C19orf12: variants seen among roughly 807,000 people sequenced by gnomAD.
C19orf12 encodes chromosome 19 open reading frame 12, also known as protein C19orf12.
A neutral mutation model predicts 3.8 loss-of-function variants in C19orf12; 2 were observed. That is an observed-to-expected ratio of 0.53 (90% confidence interval 0.22 to 1.66). The LOEUF (loss-of-function observed/expected upper bound fraction) is 1.66. C19orf12 is among the 40% of genes most tolerant of loss of function. The pLI is 0.20. For synonymous variants in C19orf12, 89 were observed against 84.6 expected (o/e 1.05, Z -0.28); for missense variants, 156 against 188.8 (o/e 0.83, Z 1.02).
Position 29,702,735 on chromosome 19 carries a change from C to A in C19orf12, c.403G>T (p.Ala135Ser), listed in dbSNP as rs1972165664. 6.2e-7 allele frequency: 1 copy of A among 1,613,852 alleles called. No homozygotes were observed. The highest frequency in any genetic ancestry group is 8.5e-7 in the Non-Finnish European group (1 of 1,180,022). Residue 135 changes from alanine (A) to serine (S), a missense_variant, in exon 3 of 3, where the codon GCC becomes TCC. By Grantham distance (99) the Ala-to-Ser change is moderately conservative. Coordinates refer to ENST00000323670, the MANE Select transcript of C19orf12 (RefSeq NM_031448.6). Reference sequence around the variant, plus strand: ...GCCTAGTCATCATACTGGATCTCGGCCCGCAGCTCCTTGGTGACGTAGTTC... The same window carrying A: ...GCCTAGTCATCATACTGGATCTCGGACCGCAGCTCCTTGGTGACGTAGTTC... Reference protein sequence around the residue: ...LVNYVTKELRAEIQYDD With the variant: ...LVNYVTKELRSEIQYDD
At chr19:29,713,969 TCC>T (rs774985157) in intron 1 of C19orf12, among the ~76,000 whole-genome samples, 1 of 124,116 alleles carries the variant, frequency 8.1e-6, no homozygotes, top group African/African-American at 3.7e-5. Context: ...CTTCCTTCCT[TCC>T]TTCCTTTTCT....
At chr19:29,708,518 C>T in intron 1 of C19orf12, 95 bp from the exon 2 acceptor site, 2 of 1,536,732 alleles carry the variant, frequency 1.3e-6, no homozygotes, top group East Asian at 4.5e-5. Context: ...AGGAAGGGTC[C>T]CCCTTTTCAG....
In C19orf12 at chr19:29,715,156, G is replaced by A. The variant is rs1334774051; in HGVS notation, c.-42C>T. The stretch of plus-strand genomic sequence containing the variant: ...GAGCGGAGGTCTACGCGGCGCGCTC[G>A]GCGATCAGACGCGGCTGCAGCCCGG... On this transcript the variant is annotated 5_prime_UTR_variant, in exon 1 of 3. Transcript: ENST00000323670. The A allele has an allele frequency of 5.3e-6, 3 of 562,056 alleles. No individual in the cohort carries two copies. The highest frequency in any genetic ancestry group is 3.2e-6 in the Non-Finnish European group (1 of 315,962). The allele number at this position is 562,056 out of a possible 1,614,324, so 34.8% of individuals were successfully genotyped here.
Position 29,700,000 on chromosome 19 carries a change from C to T in C19orf12, c.*2712G>A. On this transcript the variant is annotated 3_prime_UTR_variant, in exon 3 of 3. Coordinates refer to ENST00000323670, the MANE Select transcript of C19orf12 (RefSeq NM_031448.6). ...TTAGGCCCAAAGCCTCCAAGTCACC[C>T]CAGGACCCAGCTAGTTCCAGTGTCT... 6.6e-6 allele frequency: 3 copies of T among 454,072 alleles called. No homozygotes were observed. The highest frequency in any genetic ancestry group is 1.3e-5 in the Non-Finnish European group (3 of 226,792). 28.1% of individuals were successfully genotyped at this position (454,072 alleles called of 1,614,324 possible).
In C19orf12 at chr19:29,701,418, A is replaced by G. The variant is rs1204110048; in HGVS notation, c.*1294T>C. 1 of 454,048 alleles carries G rather than the reference A, an allele frequency of 2.2e-6. No homozygotes were observed. Among genetic ancestry groups the G allele is most frequent in the African/African-American group, 2.0e-5 (1 of 50,016 alleles). 28.1% of individuals were successfully genotyped at this position (454,048 alleles called of 1,614,324 possible). A position where few individuals can be genotyped will look rare whatever the true frequency, so the allele number is the denominator to read the frequency against. On this transcript the variant is annotated 3_prime_UTR_variant, in exon 3 of 3. Coordinates refer to ENST00000323670, the MANE Select transcript of C19orf12 (RefSeq NM_031448.6). The stretch of plus-strand genomic sequence containing the variant: ...GATTTCTTATAATACCAAATACAAT[A>G]TAAATGCTATGTAAATATGCTACAC...
At chr19:29,709,160 G>A (rs998202073) in intron 1 of C19orf12, among the ~76,000 whole-genome samples, 3 of 152,206 alleles carry the variant, frequency 2.0e-5, no homozygotes, top group African/African-American at 7.2e-5. Context: ...GATAAAGCAG[G>A]GAGACAAAGC....
At chr19:29,709,730 A>G (rs908786499) in intron 1 of C19orf12, among the ~76,000 whole-genome samples, 17 of 151,670 alleles carry the variant, frequency 1.1e-4, no homozygotes, top group Non-Finnish European at 2.1e-4. Context: ...GATGACTACT[A>G]TGTTGCCCAG....
At chr19:29,706,015 C>T (rs1416665945) in intron 2 of C19orf12, among the ~76,000 whole-genome samples, 5 of 152,210 alleles carry the variant, frequency 3.3e-5, no homozygotes, top group Non-Finnish European at 7.3e-5. Context: ...ACTCAGACAA[C>T]AGGCAGCAAA....
intron 2 of C19orf12, among the ~76,000 whole-genome samples, chr19:29,704,550 T>C (rs1972276059): frequency 6.6e-6 from 1 of 152,244 alleles, no homozygotes; most frequent in South Asian, 2.1e-4. Context: ...TATTGTTAAA[T>C]GTAAACTCAT....
At chr19:29,714,389 G>C (rs1972847886) in intron 1 of C19orf12, among the ~76,000 whole-genome samples, 1 of 152,034 alleles carries the variant, frequency 6.6e-6, no homozygotes, top group Non-Finnish European at 1.5e-5. Context: ...AGCTACTAGG[G>C]AGGCTGAGGC....
intron 1 of C19orf12, among the ~76,000 whole-genome samples, chr19:29,714,648 G>A (rs968126300): frequency 3.4e-4 from 52 of 151,690 alleles, no homozygotes; most frequent in African/African-American, 1.2e-3. Flanking sequence ...GTCAGGATCC[G>A]CTTCACATTT....
At chr19:29,703,949 C>T (rs1270223810) in intron 2 of C19orf12, among the ~76,000 whole-genome samples, 4 of 151,772 alleles carry the variant, frequency 2.6e-5, no homozygotes, top group African/African-American at 9.7e-5. Context: ...GAGATCATAC[C>T]CTTGCACTCC....
chr19:29,715,092 G>C, intron 1 of C19orf12, 33 bp downstream of exon 1: 2 of 592,202 alleles, frequency 3.4e-6, no homozygotes, highest in Non-Finnish European at 6.0e-6. Flanking sequence ...CGGCCTGGGA[G>C]GCGCCCCGCC....
At position 29,702,071 on chromosome 19, in the gene C19orf12, G is replaced by A. The variant is rs769132883; in HGVS notation, c.*641C>T. 1.6e-5 allele frequency: 7 copies of A among 449,864 alleles called. No homozygotes were observed. Among genetic ancestry groups the A allele is most frequent in the African/African-American group, 6.0e-5 (3 of 49,838 alleles). 27.9% of individuals were successfully genotyped at this position (449,864 alleles called of 1,614,324 possible). Reference sequence around the variant, plus strand: ...CCAGGACTTTTCAGATGGGAAGAGCGAGGCCCTGGCAGGGCGAGTCTAGGT... The same window carrying A: ...CCAGGACTTTTCAGATGGGAAGAGCAAGGCCCTGGCAGGGCGAGTCTAGGT... On this transcript the variant is annotated 3_prime_UTR_variant, in exon 3 of 3. Transcript: ENST00000323670.
At chr19:29,708,171 G>A in intron 2 of C19orf12, 83 bp downstream of exon 2, 1 of 1,573,996 alleles carries the variant, frequency 6.4e-7, no homozygotes, top group South Asian at 1.1e-5. Flanking sequence ...GAGCCACACT[G>A]TGCCTGGCCT....
intron 1 of C19orf12, among the ~76,000 whole-genome samples, chr19:29,714,455 T>C (rs1056754070): frequency 5.9e-5 from 9 of 152,110 alleles, no homozygotes; most frequent in African/African-American, 1.7e-4. Flanking sequence ...GATCGCGCCA[T>C]TGCACTCCAG....
chr19:29,712,046 G>T (rs937348596), intron 1 of C19orf12, among the ~76,000 whole-genome samples: 1 of 152,118 alleles, frequency 6.6e-6, no homozygotes, highest in Non-Finnish European at 1.5e-5. Context: ...CAGAAAGCGG[G>T]TCCCCTGTGT....
Position 29,708,430 on chromosome 19 carries a change from G to A in C19orf12, c.-10-7C>T. 1 of 1,613,162 alleles carries A rather than the reference G, an allele frequency of 6.2e-7. No homozygotes were observed. The highest frequency in any genetic ancestry group is 8.5e-7 in the Non-Finnish European group (1 of 1,180,004). ...GATAGTCATCGTGGCGGGCCTTCGA[G>A]GGAGAAGTTCAGAGGGACAGTTTCA... On this transcript the variant is annotated splice_polypyrimidine_tract_variant and splice_region_variant and intron_variant, in intron 1 of 2. Transcript: ENST00000323670.
intron 1 of C19orf12, among the ~76,000 whole-genome samples, chr19:29,710,985 C>T (rs1972634798): frequency 6.7e-6 from 1 of 150,356 alleles, no homozygotes; most frequent in Non-Finnish European, 1.5e-5. Context: ...TCCTGAAAAG[C>T]TATCACACAA....
Sources: allele counts gnomAD v4.1 joint callset (sites outside exome capture counted in the v4.1 genomes callset), GRCh38; gene constraint gnomAD v4.1.1; transcripts MANE v1.5; gene names NCBI Gene and HGNC (gene_info 2026-07-23, HGNC 2026-07-21).